The following SLC5A1 variants were observed in gnomAD, a reference collection of about 807,000 sequenced individuals.
SLC5A1 encodes the protein solute carrier family 5 member 1, also known as sodium/glucose cotransporter 1.
A neutral mutation model predicts 73.5 loss-of-function variants in SLC5A1; 42 were observed. The ratio of observed to expected loss-of-function variants is 0.57; its 90% CI spans 0.45 to 0.74. SLC5A1 has a LOEUF of 0.74. Ranked by LOEUF, SLC5A1 falls within the 30% of genes least tolerant of loss-of-function variation. The pLI, the probability that SLC5A1 is intolerant of heterozygous loss-of-function variation, is 0.00. For missense variants in SLC5A1, 634 were observed against 855.4 expected (o/e 0.74, Z 3.23); for synonymous variants, 300 against 317.4 (o/e 0.95, Z 0.58).
At chr22:32,094,184 C>T (rs189614821) in intron 11 of SLC5A1, among the ~76,000 whole-genome samples, 7 of 152,146 alleles carry the variant, frequency 4.6e-5, no homozygotes, top group Admixed American at 1.3e-4. Context: ...ATCCCTGGTA[C>T]GAAACCCACT....
chr22:32,071,237 A>G (rs2093982390), intron 5 of SLC5A1, among the ~76,000 whole-genome samples: 1 of 152,216 alleles, frequency 6.6e-6, no homozygotes. Flanking sequence ...GGATTGCGTG[A>G]GACCAGGAGT....
chr22:32,097,834 G>A (rs1365850045), intron 11 of SLC5A1, among the ~76,000 whole-genome samples: 1 of 152,080 alleles, frequency 6.6e-6, no homozygotes, highest in Non-Finnish European at 1.5e-5. Context: ...TTAATCAAGT[G>A]AAAAGGGAGA....
In SLC5A1 at chr22:32,081,848, C is replaced by T. The variant is rs1001108110; in HGVS notation, c.478-18C>T. The T allele has an allele frequency of 6.4e-7, 1 of 1,564,754 alleles. No homozygotes were observed. Among genetic ancestry groups the T allele is most frequent in the Non-Finnish European group, 8.8e-7 (1 of 1,135,758 alleles). On this transcript the variant is annotated intron_variant, in intron 5 of 14. Transcript: ENST00000266088. ...CTGACCACTCTCCCTCCTAACTCCG[C>T]CTCTCCTCTCCTTCCAGGCAGACAT...
intron 13 of SLC5A1, among the ~76,000 whole-genome samples, chr22:32,104,556 T>C (rs1273267334): frequency 6.6e-6 from 1 of 152,286 alleles, no homozygotes; most frequent in Non-Finnish European, 1.5e-5. Flanking sequence ...CTTTTAGCTC[T>C]GAATATGCAT....
chr22:32,094,370 G>C (rs904298242), intron 11 of SLC5A1, among the ~76,000 whole-genome samples: 1 of 152,090 alleles, frequency 6.6e-6, no homozygotes, highest in Non-Finnish European at 1.5e-5. Flanking sequence ...GATTTAGGGA[G>C]GATTCCTTCT....
chr22:32,104,011 CAGA>C (rs1252481937), intron 13 of SLC5A1, among the ~76,000 whole-genome samples: 1 of 152,168 alleles, frequency 6.6e-6, no homozygotes, highest in Non-Finnish European at 1.5e-5. Context: ...TCCTAGAAAA[CAGA>C]AGGATTTTGT....
At chr22:32,103,642 A>G (rs1419443764) in intron 13 of SLC5A1, among the ~76,000 whole-genome samples, 1 of 152,242 alleles carries the variant, frequency 6.6e-6, no homozygotes, top group Non-Finnish European at 1.5e-5. Flanking sequence ...CCATGGTCAA[A>G]GCTTTCAAAG....
At chr22:32,072,210 C>G (rs891724479) in intron 5 of SLC5A1, among the ~76,000 whole-genome samples, 6 of 152,164 alleles carry the variant, frequency 3.9e-5, no homozygotes, top group Admixed American at 3.9e-4. Context: ...TCACCCTTCT[C>G]CCATCCTCCA....
At chr22:32,046,116 T>C (rs2093936848) in intron 1 of SLC5A1, among the ~76,000 whole-genome samples, 1 of 152,228 alleles carries the variant, frequency 6.6e-6, no homozygotes, top group Non-Finnish European at 1.5e-5. Flanking sequence ...TGAATTGGAA[T>C]GGCCCTTGAG....
intron 12 of SLC5A1, among the ~76,000 whole-genome samples, chr22:32,100,353 G>C (rs2094034211): frequency 6.6e-6 from 1 of 152,168 alleles, no homozygotes; most frequent in Non-Finnish European, 1.5e-5. Flanking sequence ...GCGCTGTCTA[G>C]GACTTCCAGT....
intron 14 of SLC5A1, 72 bp from the exon 15 acceptor site, chr22:32,109,918 G>C (rs1198637325): frequency 1.7e-6 from 2 of 1,153,330 alleles, no homozygotes; most frequent in African/African-American, 1.5e-5. Context: ...TTCATGGTGT[G>C]GCTTCTCCCC....
At chr22:32,049,490 C>A (rs2093942443) in intron 1 of SLC5A1, among the ~76,000 whole-genome samples, 1 of 146,690 alleles carries the variant, frequency 6.8e-6, no homozygotes, top group African/African-American at 2.5e-5. Context: ...AATGATTCTC[C>A]CACCTCAGCC....
At chr22:32,044,788 T>G (rs1277262931) in intron 1 of SLC5A1, among the ~76,000 whole-genome samples, 1 of 152,154 alleles carries the variant, frequency 6.6e-6, no homozygotes, top group Non-Finnish European at 1.5e-5. Flanking sequence ...CCCCCATGGT[T>G]GTGGTGAGGA....
intron 5 of SLC5A1, among the ~76,000 whole-genome samples, chr22:32,079,522 CA>C (rs1285663166): frequency 1.3e-5 from 2 of 152,170 alleles, no homozygotes; most frequent in African/African-American, 4.8e-5. Context: ...TGACTAATGA[CA>C]GCAAGGCACA....
chr22:32,096,931 C>T (rs1025332164), intron 11 of SLC5A1, among the ~76,000 whole-genome samples: 2 of 152,168 alleles, frequency 1.3e-5, no homozygotes, highest in Non-Finnish European at 1.5e-5. Flanking sequence ...TACCTGGCAC[C>T]CAAAGGAGAT....
At chr22:32,089,228 A>T (rs1379972113) in intron 10 of SLC5A1, among the ~76,000 whole-genome samples, 1 of 152,232 alleles carries the variant, frequency 6.6e-6, no homozygotes, top group East Asian at 1.9e-4. Flanking sequence ...TGATCTTTAT[A>T]ACTTCTATAT....
intron 2 of SLC5A1, among the ~76,000 whole-genome samples, chr22:32,061,414 TA>T (rs749487888): frequency 0.011 from 1,589 of 143,556 alleles, 20 homozygotes; most frequent in African/African-American, 0.029. Context: ...GACTCTGTCT[TA>T]AAAAAAAAAA....
intron 5 of SLC5A1, among the ~76,000 whole-genome samples, chr22:32,071,577 T>C (rs9606901): frequency 0.043 from 6,613 of 152,154 alleles, 167 homozygotes; most frequent in South Asian, 0.082. Context: ...TTTTCTGAGA[T>C]CACATAGGGA....
At chr22:32,055,170 C>CT (rs2093949950) in intron 2 of SLC5A1, among the ~76,000 whole-genome samples, 1 of 152,108 alleles carries the variant, frequency 6.6e-6, no homozygotes, top group Non-Finnish European at 1.5e-5. Flanking sequence ...TTTCTTGCCC[C>CT]TTTGTTTCTT....
Sources: allele counts gnomAD v4.1 joint callset (sites outside exome capture counted in the v4.1 genomes callset), GRCh38; gene constraint gnomAD v4.1.1; transcripts MANE v1.5; gene names NCBI Gene and HGNC (gene_info 2026-07-23, HGNC 2026-07-21).